The following SI variants were observed in gnomAD, a reference collection of about 807,000 sequenced individuals.
The protein encoded by SI is sucrase-isomaltase, intestinal.
Under a neutral mutation model 253.3 loss-of-function variants are expected in SI, and 235 were observed. That is an observed-to-expected ratio of 0.93 (90% CI 0.83 to 1.03). The LOEUF (loss-of-function observed/expected upper bound fraction) is 1.03, where lower values mean the gene tolerates loss of function less well. Among genes scored for constraint, SI ranks in the 50% least tolerant of loss-of-function variants. The pLI is 0.00. For synonymous variants in SI, 819 were observed against 712.0 expected (o/e 1.15, Z -2.39); for missense variants, 2,442 against 2,211.1 (o/e 1.10, Z -2.09).
intron 12 of SI, among the ~76,000 whole-genome samples, chr3:165,056,648 A>AT (rs1373963138): frequency 6.6e-6 from 1 of 152,102 alleles, no homozygotes; most frequent in Non-Finnish European, 1.5e-5. Flanking sequence ...GGAGCTCAGT[A>AT]TTGGCCTGCC....
chr3:165,047,233 T>A (rs1237659701), intron 15 of SI, among the ~76,000 whole-genome samples: 2 of 151,978 alleles, frequency 1.3e-5, no homozygotes, highest in Non-Finnish European at 2.9e-5. Flanking sequence ...GCACTGTTCT[T>A]ATGATAGTTA....
Position 164,991,465 on chromosome 3 carries a change from C to T in SI, c.4996G>A (p.Gly1666Ser). Reference sequence around the variant, plus strand: ...AATGTTTGAAATTGTCCTCTGACGCCAATATCTTTGCCCTGGAAATGAAAG... The same window carrying T: ...AATGTTTGAAATTGTCCTCTGACGCTAATATCTTTGCCCTGGAAATGAAAG... ...WFDYHTGKDI[G>S]VRGQFQTFNA... The change falls in exon 44 of 48, where the codon GGC becomes AGC. Residue 1666 changes from glycine (G) to serine (S), a missense_variant. By Grantham distance (56) the Gly-to-Ser change is moderately conservative. Transcript: ENST00000264382. 1 of 1,613,456 alleles carries T rather than the reference C, an allele frequency of 6.2e-7. No homozygotes were observed. The highest frequency in any genetic ancestry group is 8.5e-7 in the Non-Finnish European group (1 of 1,179,632).
chr3:165,060,003 C>CT lies in SI; in HGVS notation c.1044dup (p.Ala349SerfsTer15). 1 of 1,611,618 alleles carries CT rather than the reference C, an allele frequency of 6.2e-7. No homozygotes were observed. The highest frequency in any genetic ancestry group is 1.1e-5 in the South Asian group (1 of 91,056). On this transcript the variant is annotated frameshift_variant, in exon 10 of 48. Transcript: ENST00000264382. LOFTEE classifies it high-confidence loss of function. Reference sequence around the variant, plus strand: ...AGTTGGAATCCAAGATTCCAATATGCTGGCATTGCTGGTAGTCCAACAAGC... The same window carrying CT: ...AGTTGGAATCCAAGATTCCAATATGCTTGGCATTGCTGGTAGTCCAACAAGC...
At chr3:165,011,929 C>T (rs551325412) in intron 34 of SI, among the ~76,000 whole-genome samples, 10 of 151,948 alleles carry the variant, frequency 6.6e-5, no homozygotes, top group South Asian at 6.2e-4. Context: ...TTATAATCAT[C>T]GTATCTTCCT....
At chr3:165,083,284 A>G (rs925765437), upstream of SI, among the ~76,000 whole-genome samples, 1 of 151,902 alleles carries the variant, frequency 6.6e-6, no homozygotes, top group Admixed American at 6.6e-5. Flanking sequence ...ATTCTAGTCA[A>G]TGGGATGAAA....
intron 13 of SI, among the ~76,000 whole-genome samples, chr3:165,050,984 A>C (rs970112173): frequency 4.6e-5 from 7 of 152,090 alleles, no homozygotes; most frequent in African/African-American, 1.7e-4. Context: ...TTATTAACAG[A>C]TTAGAAAATA....
At chr3:165,060,633 T>C (rs140526106) in intron 9 of SI, among the ~76,000 whole-genome samples, 240 of 151,704 alleles carry the variant, frequency 1.6e-3, no homozygotes, top group African/African-American at 5.4e-3. Flanking sequence ...TTCCTATTTC[T>C]GTAATGGCCC....
chr3:165,073,182 CT>C (rs1560020326), intron 3 of SI, among the ~76,000 whole-genome samples: 3 of 3,206 alleles, frequency 9.4e-4, no homozygotes, highest in African/African-American at 1.7e-3. Context: ...CTCTCTCTCT[CT>C]CTCTCTCTCT....
intron 24 of SI, 41 bp downstream of exon 24, chr3:165,032,481 G>T: frequency 2.3e-6 from 3 of 1,318,678 alleles, no homozygotes; most frequent in Admixed American, 1.7e-5. Context: ...TTAAATATGA[G>T]ATTATATGAT....
In SI at chr3:165,037,898, A is replaced by C. The variant is rs778794280; in HGVS notation, c.2426+2T>G. ...ATTTCAACTAATGATTTTTCATTTT[A>C]CCTTGCTGTTGTTGTTACATCTGGT... On this transcript the variant is annotated splice_donor_variant, in intron 21 of 47. Coordinates refer to ENST00000264382, the MANE Select transcript of SI (RefSeq NM_001041.4). LOFTEE classifies it high-confidence loss of function. 3 of 1,584,570 alleles carry C rather than the reference A, an allele frequency of 1.9e-6. No individual in the cohort carries two copies. The highest frequency in any genetic ancestry group is 1.7e-6 in the Non-Finnish European group (2 of 1,155,242).
intron 2 of SI, among the ~76,000 whole-genome samples, chr3:165,074,904 T>C (rs901030939): frequency 2.0e-4 from 30 of 151,928 alleles, no homozygotes; most frequent in Admixed American, 1.8e-3. Context: ...TCTGAAGAAA[T>C]ACAAAATATA....
At chr3:165,039,860 T>C in intron 19 of SI, 27 bp downstream of exon 19, 1 of 1,471,490 alleles carries the variant, frequency 6.8e-7, no homozygotes, top group Non-Finnish European at 9.5e-7. Flanking sequence ...GTTCAAACAA[T>C]AAGGTTATTA....
chr3:165,038,604 G>GA (rs1015832804), intron 20 of SI, among the ~76,000 whole-genome samples: 7 of 151,244 alleles, frequency 4.6e-5, no homozygotes, highest in African/African-American at 1.7e-4. Flanking sequence ...TTGTTCAATT[G>GA]AAAAAATGGA....
intron 37 of SI, among the ~76,000 whole-genome samples, chr3:165,003,193 G>T: frequency 6.6e-6 from 1 of 151,804 alleles, no homozygotes; most frequent in East Asian, 1.9e-4. Context: ...ACTCTGTAAT[G>T]TGCTTCAGAA....
At chr3:164,994,785 G>A (rs1717934168) in intron 40 of SI, among the ~76,000 whole-genome samples, 1 of 151,578 alleles carries the variant, frequency 6.6e-6, no homozygotes, top group Admixed American at 6.6e-5. Flanking sequence ...ACATAGACAA[G>A]CAGAGCAAAT....
chr3:165,059,063 C>A lies in SI; in HGVS notation c.1298G>T (p.Gly433Val), dbSNP rs1480805906. 1.1e-5 allele frequency: 17 copies of A among 1,612,370 alleles called. No individual in the cohort carries two copies. The highest frequency in any genetic ancestry group is 1.3e-5 in the African/African-American group (1 of 74,812). The change falls in exon 12 of 48, where the codon GGT becomes GTT. Residue 433 changes from glycine (G) to valine (V), a missense_variant. Gly to Val is a moderately radical substitution (Grantham distance 109). Transcript: ENST00000264382. ...VIILDPAISI[G>V]RRANGTTYAT... ...ATATGTTGTTCCATTGGCACGTCGA[C>A]CTATGGAAATTGCAGGGTCCTAATA... is the stretch of plus-strand genomic sequence containing the variant.
At chr3:165,048,626 T>C (rs1055200639) in intron 15 of SI, among the ~76,000 whole-genome samples, 1 of 150,424 alleles carries the variant, frequency 6.6e-6, no homozygotes, top group African/African-American at 2.4e-5. Context: ...TTTTTGTTTG[T>C]TTGTTTTTGG....
At chr3:165,069,721 T>A (rs1163240291) in intron 3 of SI, among the ~76,000 whole-genome samples, 1 of 152,048 alleles carries the variant, frequency 6.6e-6, no homozygotes, top group Non-Finnish European at 1.5e-5. Flanking sequence ...GTTGCTGCAA[T>A]AGCATTCAAT....
the SI span, among the ~76,000 whole-genome samples, chr3:165,084,856 C>T: frequency 6.6e-6 from 1 of 151,938 alleles, no homozygotes; most frequent in Non-Finnish European, 1.5e-5. Flanking sequence ...ATTCCTGAAA[C>T]AGAAGTTTCA....
Sources: allele counts gnomAD v4.1 joint callset (sites outside exome capture counted in the v4.1 genomes callset), GRCh38; gene constraint gnomAD v4.1.1; transcripts MANE v1.5; gene names NCBI Gene and HGNC (gene_info 2026-07-23, HGNC 2026-07-21).